The following GIT2 variants were observed in gnomAD, a reference collection of about 807,000 sequenced individuals.
The protein encoded by GIT2 is ARF GTPase-activating protein GIT2.
In GIT2, 32 loss-of-function variants were observed where a neutral mutation model predicts 100.3. The ratio of observed to expected loss-of-function variants is 0.32; its 90% CI spans 0.24 to 0.43. GIT2 has a LOEUF of 0.43. Among genes scored for constraint, GIT2 ranks in the 20% least tolerant of loss-of-function variants. GIT2 has a pLI of 1.00. For missense variants in GIT2, 737 were observed against 975.1 expected (o/e 0.76, Z 3.25); for synonymous variants, 353 against 364.1 (o/e 0.97, Z 0.35).
At chr12:109,952,943 A>C in intron 13 of GIT2, 149 bp downstream of exon 13, 1 of 682,608 alleles carries the variant, frequency 1.5e-6, no homozygotes. Flanking sequence ...TGCAGGGACA[A>C]GGATCCCTAT....
rs73419546 is a variant in GIT2 at position 109,951,329 on chromosome 12, T to A, written c.1243-13A>T. 152 of 1,598,122 alleles carry A rather than the reference T, an allele frequency of 9.5e-5. No homozygotes were observed. The African/African-American group carries it at 1.9e-3, about 20-fold the overall frequency. ...CTGAATCTAGGCTCTAAAAATAAAT[T>A]GGGAAAACGTTCACAATCTGAGATG... On this transcript the variant is annotated splice_polypyrimidine_tract_variant and intron_variant, in intron 13 of 19. Coordinates refer to ENST00000355312, the MANE Select transcript of GIT2 (RefSeq NM_057169.5).
At chr12:109,945,993 GCACAGGACCATGTGC>G (rs1876236654) in intron 15 of GIT2, among the ~76,000 whole-genome samples, 2 of 152,028 alleles carry the variant, frequency 1.3e-5, no homozygotes, top group Admixed American at 1.3e-4. Context: ...AATTAGCCAG[GCACAGGACCATGTGC>G]CTGTAGTCCC....
chr12:109,996,403 T>C (rs1339471135), upstream of GIT2: 1 of 535,322 alleles, frequency 1.9e-6, no homozygotes, highest in African/African-American at 2.0e-5. Context: ...CTTCGGCGAG[T>C]GTCAGGTCAT....
intron 4 of GIT2, among the ~76,000 whole-genome samples, chr12:109,987,184 C>T (rs1887569456): frequency 1.3e-5 from 2 of 151,494 alleles, no homozygotes; most frequent in South Asian, 2.1e-4. Context: ...AGATCGAGAC[C>T]ATCCTGGCTA....
intron 7 of GIT2, among the ~76,000 whole-genome samples, chr12:109,971,788 T>C (rs1283697766): frequency 1.3e-5 from 2 of 151,058 alleles, no homozygotes; most frequent in African/African-American, 2.4e-5. Context: ...AGGTCAGGAG[T>C]TCCAGAGCAG....
chr12:109,932,975 T>A lies in GIT2; in HGVS notation c.*3A>T. Reference sequence around the variant, plus strand: ...AAACAGAGGAGGCGGTGCCCTGCCCTTGTCAGTTGTTGTTCTCTTTGGTGG... The same window carrying A: ...AAACAGAGGAGGCGGTGCCCTGCCCATGTCAGTTGTTGTTCTCTTTGGTGG... On this transcript the variant is annotated 3_prime_UTR_variant, in exon 20 of 20. Coordinates refer to ENST00000355312, the MANE Select transcript of GIT2 (RefSeq NM_057169.5). 1 of 1,578,388 alleles carries A rather than the reference T, an allele frequency of 6.3e-7. No individual in the cohort carries two copies. The highest frequency in any genetic ancestry group is 1.1e-5 in the South Asian group (1 of 90,302).
chr12:109,967,420 G>T, intron 8 of GIT2, 38 bp downstream of exon 8: 1 of 1,513,526 alleles, frequency 6.6e-7, no homozygotes, highest in Non-Finnish European at 9.2e-7. Context: ...GGAAATATTA[G>T]CGATAGACAA....
intron 12 of GIT2, among the ~76,000 whole-genome samples, chr12:109,957,530 G>A (rs981710869): frequency 2.7e-5 from 4 of 147,428 alleles, no homozygotes; most frequent in African/African-American, 7.6e-5. Context: ...TTTTTGAGAC[G>A]GAGTCTTGCT....
At position 109,938,508 on chromosome 12, in the gene GIT2, G is replaced by A. The variant is rs781221162; in HGVS notation, c.1875C>T (p.Asp625=). The A allele has an allele frequency of 6.8e-6, 11 of 1,613,558 alleles. No homozygotes were observed. The Admixed American group carries it at 1.7e-4, about 25-fold the overall frequency. The part of the protein sequence containing the change: ...MVWPGDGLVP[D]TAEPHVAPSP... ...TTGGGGCCACATGGGGTTCTGCTGT[G>A]TCTGGTACCAAGCCATCCCCTGGCC... The change falls in exon 18 of 20, where the codon GAC becomes GAT. Residue 625 remains aspartate, a synonymous_variant. Coordinates refer to ENST00000355312, the MANE Select transcript of GIT2 (RefSeq NM_057169.5).
chr12:109,992,140 C>CTTTTTTTT (rs35643426), intron 1 of GIT2: 5 of 92,178 alleles, frequency 5.4e-5, no homozygotes, highest in Non-Finnish European at 8.1e-5. Context: ...CAAGATAATA[C>CTTTTTTTT]TTTTTTTTTT....
At chr12:109,977,302 G>A (rs1885306139) in intron 7 of GIT2, among the ~76,000 whole-genome samples, 1 of 152,094 alleles carries the variant, frequency 6.6e-6, no homozygotes, top group South Asian at 2.1e-4. Flanking sequence ...CTTGAGCTCA[G>A]GAATTCAAGA....
chr12:109,948,203 A>G lies in GIT2; in HGVS notation c.1393-699T>C, dbSNP rs1412662520. Reference sequence around the variant, plus strand: ...ATATCACGAAGAAAACTGGAAACCTATTGATCTATGGAATTGACATCTTCG... The same window carrying G: ...ATATCACGAAGAAAACTGGAAACCTGTTGATCTATGGAATTGACATCTTCG... On this transcript the variant is annotated intron_variant, in intron 14 of 19. Coordinates refer to ENST00000355312, the MANE Select transcript of GIT2 (RefSeq NM_057169.5). The surrounding 1 kb of genome is among the most constrained non-coding windows in gnomAD (Gnocchi z 4.3). The G allele has an allele frequency of 4.1e-6, 4 of 984,728 alleles. No individual in the cohort carries two copies. The highest frequency in any genetic ancestry group is 1.7e-5 in the African/African-American group (1 of 57,222). 61.0% of individuals were successfully genotyped at this position (984,728 alleles called of 1,614,324 possible).
chr12:109,933,313 C>CCTG lies in GIT2; in HGVS notation c.2068-124_2068-123insCAG. ...GAGTGAAAGGCGGTTTGGTCCTGCC[C>CCTG]TTTCTCAAAGGGGTGCTTCACACAC... is the stretch of plus-strand genomic sequence containing the variant. On this transcript the variant is annotated intron_variant, in intron 19 of 19. Transcript: ENST00000355312. This position sits in a 1 kb window ranked among gnomAD's most constrained non-coding sequence, Gnocchi z 4.5. 1 of 632,204 alleles carries CCTG rather than the reference C, an allele frequency of 1.6e-6. No individual in the cohort carries two copies. The highest frequency in any genetic ancestry group is 1.9e-5 in the South Asian group (1 of 53,350). 39.2% of individuals were successfully genotyped at this position (632,204 alleles called of 1,614,324 possible).
chr12:109,951,757 G>A (rs938102557), intron 13 of GIT2, among the ~76,000 whole-genome samples: 2 of 152,192 alleles, frequency 1.3e-5, no homozygotes, highest in African/African-American at 4.8e-5. Context: ...CAGCATGAGA[G>A]AGTATATATA....
chr12:109,934,119 G>C lies in GIT2; in HGVS notation c.2004-34C>G, dbSNP rs778246114. ...ATATTGAAGAAGTTATTCAATGACA[G>C]TAAAAATGATTCGGAGGCAAAGAGG... On this transcript the variant is annotated intron_variant, in intron 18 of 19. Transcript: ENST00000355312. This position sits in a 1 kb window ranked among gnomAD's most constrained non-coding sequence, Gnocchi z 4.5. 8.4e-7 allele frequency: 1 copy of C among 1,190,970 alleles called. No homozygotes were observed. The highest frequency in any genetic ancestry group is 1.3e-6 in the Non-Finnish European group (1 of 793,794). 73.8% of individuals were successfully genotyped at this position (1,190,970 alleles called of 1,614,324 possible).
chr12:109,952,860 C>T (rs1265169236), intron 13 of GIT2: 2 of 579,158 alleles, frequency 3.5e-6, no homozygotes, highest in Non-Finnish European at 6.2e-6. Context: ...TCAGTAAACA[C>T]TTGTTGAATG....
At chr12:109,978,203 T>G (rs1478399468) in intron 7 of GIT2, among the ~76,000 whole-genome samples, 1 of 150,248 alleles carries the variant, frequency 6.7e-6, no homozygotes, top group Non-Finnish European at 1.5e-5. Flanking sequence ...GTGCCTCAGC[T>G]ACCTGAGTAG....
At chr12:109,988,477 G>A (rs1887800037) in intron 4 of GIT2, among the ~76,000 whole-genome samples, 1 of 152,112 alleles carries the variant, frequency 6.6e-6, no homozygotes, top group South Asian at 2.1e-4. Context: ...GGATGGTCAA[G>A]GCTGCAGTGA....
upstream of GIT2, chr12:109,997,413 A>G (rs1766046614): frequency 6.6e-6 from 1 of 152,086 alleles, no homozygotes; most frequent in African/African-American, 2.4e-5. Flanking sequence ...AAATAACAAA[A>G]AAGAATATAT....
Sources: allele counts gnomAD v4.1 joint callset (sites outside exome capture counted in the v4.1 genomes callset), GRCh38; gene constraint gnomAD v4.1.1; non-coding constraint Gnocchi (gnomAD v3.1); transcripts MANE v1.5; gene names NCBI Gene and HGNC (gene_info 2026-07-23, HGNC 2026-07-21).